The following MIPEP variants were observed in gnomAD, a reference collection of about 807,000 sequenced individuals.
MIPEP encodes the protein mitochondrial intermediate peptidase.
In MIPEP, 79 loss-of-function variants were observed where a neutral mutation model predicts 90.3. The observed-to-expected ratio is 0.87, with a 90% CI of 0.73 to 1.05. The LOEUF is 1.05. Among genes scored for constraint, MIPEP ranks in the 50% least tolerant of loss-of-function variants. The probability of loss-of-function intolerance (pLI) is 0.00; values close to 1 mark genes in which losing one functional copy is unlikely to be tolerated. For missense variants in MIPEP, 940 were observed against 905.6 expected, an observed-to-expected ratio of 1.04 and a Z score of -0.49; for synonymous variants, 334 against 315.8, an observed-to-expected ratio of 1.06 and a Z score of -0.61.
At chr13:23,764,398 C>T (rs1345366612) in intron 16 of MIPEP, among the ~76,000 whole-genome samples, 1 of 152,152 alleles carries the variant, frequency 6.6e-6, no homozygotes, top group African/African-American at 2.4e-5. Flanking sequence ...TACTCTAATG[C>T]CACGATTTTC....
intron 18 of MIPEP, among the ~76,000 whole-genome samples, chr13:23,752,368 TTC>T (rs1952450971): frequency 1.3e-5 from 2 of 152,344 alleles, no homozygotes; most frequent in Admixed American, 6.5e-5. Flanking sequence ...TAAGAAACAA[TTC>T]TGCTTCCTAG....
intron 5 of MIPEP, among the ~76,000 whole-genome samples, chr13:23,874,464 C>A (rs1288910564): frequency 6.6e-6 from 1 of 152,214 alleles, no homozygotes; most frequent in Non-Finnish European, 1.5e-5. Context: ...CAGTCAAACA[C>A]ACGTATAATA....
intron 18 of MIPEP, among the ~76,000 whole-genome samples, chr13:23,753,657 G>A (rs1952463863): frequency 6.6e-6 from 1 of 152,218 alleles, no homozygotes; most frequent in South Asian, 2.1e-4. Context: ...AAAAAAGAAA[G>A]TAGAGGAATC....
At chr13:23,738,736 G>A (rs990253162) in intron 18 of MIPEP, among the ~76,000 whole-genome samples, 23 of 152,130 alleles carry the variant, frequency 1.5e-4, no homozygotes, top group African/African-American at 4.6e-4. Context: ...ACAGGCGTGC[G>A]CCTCTGTGAC....
chr13:23,746,040 G>A (rs565245398), intron 18 of MIPEP, among the ~76,000 whole-genome samples: 7 of 138,880 alleles, frequency 5.0e-5, no homozygotes, highest in South Asian at 4.9e-4. Context: ...TTGAGACAGC[G>A]TTTCACTCTT....
At chr13:23,737,172 C>T (rs1168685042) in intron 18 of MIPEP, among the ~76,000 whole-genome samples, 1 of 152,216 alleles carries the variant, frequency 6.6e-6, no homozygotes, top group East Asian at 1.9e-4. Flanking sequence ...CACGACTGTG[C>T]CCATCTAGCT....
intron 14 of MIPEP, among the ~76,000 whole-genome samples, chr13:23,835,592 C>T (rs1868999811): frequency 6.6e-6 from 1 of 152,058 alleles, no homozygotes; most frequent in South Asian, 2.1e-4. Context: ...TAATACGGTT[C>T]TAGTATAATC....
chr13:23,878,818 G>C (rs1302895744), intron 4 of MIPEP, among the ~76,000 whole-genome samples: 1 of 152,118 alleles, frequency 6.6e-6, no homozygotes, highest in African/African-American at 2.4e-5. Flanking sequence ...TTTTCTGATA[G>C]TATCAATTAT....
At chr13:23,756,496 AC>A in intron 18 of MIPEP, 48 bp downstream of exon 18, 1 of 1,558,362 alleles carries the variant, frequency 6.4e-7, no homozygotes, top group East Asian at 2.2e-5. Flanking sequence ...TATGGAGAAA[AC>A]ATAAATCAGC....
At chr13:23,805,743 A>G (rs1397942843) in intron 16 of MIPEP, among the ~76,000 whole-genome samples, 1 of 152,212 alleles carries the variant, frequency 6.6e-6, no homozygotes, top group African/African-American at 2.4e-5. Flanking sequence ...AGGTACAAAA[A>G]CACTGTTAGA....
Position 23,841,439 on chromosome 13 carries a change from A to C in MIPEP, c.1156T>G (p.Cys386Gly), listed in dbSNP as rs943932424. 6.2e-7 allele frequency: 1 copy of C among 1,614,158 alleles called. No individual in the cohort carries two copies. The highest frequency in any genetic ancestry group is 8.5e-7 in the Non-Finnish European group (1 of 1,180,026). ...LYCPFFSLGA[C>G]MEGLNILLNR... ...AGCAAAATATTCAGGCCTTCCATGC[A>C]TGCTCCAAGAGAGAAAAACGGGCAA... The change falls in exon 11 of 19, where the codon TGC (cysteine) becomes GGC (glycine). Residue 386 changes from cysteine (C) to glycine (G), a missense_variant. Transcript: ENST00000382172.
At chr13:23,798,868 C>A (rs145734724) in intron 16 of MIPEP, among the ~76,000 whole-genome samples, 1 of 151,978 alleles carries the variant, frequency 6.6e-6, no homozygotes, top group Non-Finnish European at 1.5e-5. Flanking sequence ...GCAAAAACCA[C>A]GAGCCAATTA....
intron 9 of MIPEP, 25 bp downstream of exon 9, chr13:23,862,276 TA>T: frequency 7.4e-7 from 1 of 1,356,038 alleles, no homozygotes; most frequent in Non-Finnish European, 1.0e-6. Context: ...GTCTATATTA[TA>T]ATAAAAATAT....
chr13:23,821,140 A>T (rs965250532), intron 14 of MIPEP, among the ~76,000 whole-genome samples: 3 of 152,256 alleles, frequency 2.0e-5, no homozygotes, highest in Non-Finnish European at 4.4e-5. Flanking sequence ...ATTGAAATAC[A>T]ATAGTAAATC....
chr13:23,793,735 C>T (rs1431452994), intron 16 of MIPEP, among the ~76,000 whole-genome samples: 1 of 151,550 alleles, frequency 6.6e-6, no homozygotes, highest in African/African-American at 2.4e-5. Flanking sequence ...GGACCCCAGC[C>T]CTGGGAGACT....
At chr13:23,777,757 A>G (rs1389825172) in intron 16 of MIPEP, among the ~76,000 whole-genome samples, 1 of 152,208 alleles carries the variant, frequency 6.6e-6, no homozygotes, top group Non-Finnish European at 1.5e-5. Flanking sequence ...GAATTACCTT[A>G]TTTCAAATAA....
intron 14 of MIPEP, among the ~76,000 whole-genome samples, chr13:23,827,951 T>C (rs896737756): frequency 6.6e-6 from 1 of 152,014 alleles, no homozygotes; most frequent in African/African-American, 2.4e-5. Flanking sequence ...ATAAATAAAA[T>C]AATTAGCAAA....
chr13:23,799,053 G>C (rs1284903435), intron 16 of MIPEP, among the ~76,000 whole-genome samples: 1 of 140,792 alleles, frequency 7.1e-6, no homozygotes, highest in Non-Finnish European at 1.5e-5. Flanking sequence ...GCCCAAGCTG[G>C]GGTGCAGTGG....
Position 23,762,393 on chromosome 13 carries a change from G to A in MIPEP, c.1849-2176C>T, listed in dbSNP as rs79370262. 9.8e-5 allele frequency among the ~76,000 whole-genome samples: 15 copies of A among 152,294 alleles called. 1 individual carries two copies. The East Asian group carries it at 2.9e-3, about 29-fold the overall frequency. On this transcript the variant is annotated intron_variant, in intron 16 of 18. Coordinates refer to ENST00000382172, the MANE Select transcript of MIPEP (RefSeq NM_005932.4). ...GTATTCACTACACAGTGGCTTAAAA[G>A]ACGCATGGCAATGCTAGTGACTCTC...
Sources: gnomAD v4.1 joint callset for allele counts (sites outside exome capture counted in the v4.1 genomes callset) on GRCh38, gnomAD v4.1.1 for gene constraint, MANE v1.5 for transcripts, NCBI Gene and HGNC (gene_info 2026-07-23, HGNC 2026-07-21) for gene names.